Variants in SEPTIN3 observed in about 807,000 individuals in gnomAD.
SEPTIN3 encodes the protein neuronal-specific septin-3.
Under a neutral mutation model 45.1 loss-of-function variants are expected in SEPTIN3, and 15 were observed. That is an observed-to-expected ratio of 0.33 (90% confidence interval 0.22 to 0.51). The LOEUF is 0.51. Ranked by LOEUF, SEPTIN3 falls within the 20% of genes least tolerant of loss-of-function variation. The probability of loss-of-function intolerance (pLI) is 0.97; values close to 1 mark genes in which losing one functional copy is unlikely to be tolerated. For missense variants in SEPTIN3, 289 were observed against 457.2 expected, an observed-to-expected ratio of 0.63 and a Z score of 3.35; for synonymous variants, 148 against 164.8, an observed-to-expected ratio of 0.90 and a Z score of 0.78.
At chr22:41,990,051 T>C (rs571347117) in intron 7 of SEPTIN3, among the ~76,000 whole-genome samples, 11 of 134,714 alleles carry the variant, frequency 8.2e-5, no homozygotes, top group South Asian at 2.4e-4. Flanking sequence ...CATCTTCTCT[T>C]TGTTTTTTTT....
intron 8 of SEPTIN3, among the ~76,000 whole-genome samples, chr22:41,992,428 A>G (rs2078333477): frequency 1.3e-5 from 2 of 152,180 alleles, no homozygotes; most frequent in South Asian, 2.1e-4. Flanking sequence ...CTGATTCCTG[A>G]GGTTAACCAG....
At chr22:41,988,936 G>A (rs886157076) in intron 6 of SEPTIN3, among the ~76,000 whole-genome samples, 3 of 151,994 alleles carry the variant, frequency 2.0e-5, no homozygotes, top group African/African-American at 7.3e-5. Context: ...GACCAGCGTG[G>A]GCAACATGGC....
intron 11 of SEPTIN3, chr22:41,995,083 A>C (rs2078407461): frequency 8.9e-7 from 1 of 1,119,566 alleles, no homozygotes; most frequent in Non-Finnish European, 1.1e-6. Context: ...CTCACTCAGG[A>C]GATCTGGGGG....
Position 41,986,122 on chromosome 22 carries a change from A to G in SEPTIN3, c.1825+10A>G, listed in dbSNP as rs200983256. The G allele has an allele frequency of 1.1e-4, 184 of 1,611,688 alleles. No homozygotes were observed. The highest frequency in any genetic ancestry group is 1.5e-4 in the Non-Finnish European group (172 of 1,179,012). On this transcript the variant is annotated intron_variant, in intron 4 of 11. Transcript: ENST00000644076. ...AAAGCTATCGGGCATGGTGAGGACC[A>G]GGCAGGGACCCCTATGGGCTTTGTT...
chr22:41,991,704 C>A (rs774632516), intron 8 of SEPTIN3, 36 bp downstream of exon 8: 13 of 1,314,752 alleles, frequency 9.9e-6, no homozygotes, highest in Non-Finnish European at 1.4e-5. Flanking sequence ...CACTGATGCC[C>A]CCTTGCGACC....
chr22:41,977,184 G>T (rs2078042147), intron 2 of SEPTIN3: 13 of 1,103,850 alleles, frequency 1.2e-5, no homozygotes, highest in African/African-American at 1.6e-5. Flanking sequence ...GAGCCCACGC[G>T]CGGTGACAGA....
intron 9 of SEPTIN3, among the ~76,000 whole-genome samples, chr22:41,993,812 T>A (rs963114884): frequency 4.6e-5 from 7 of 152,210 alleles, no homozygotes; most frequent in Non-Finnish European, 8.8e-5. Context: ...TAATCCTCAT[T>A]CTGTTCCAAC....
chr22:41,973,699 G>C (rs926482972), intron 2 of SEPTIN3, among the ~76,000 whole-genome samples: 1 of 150,864 alleles, frequency 6.6e-6, no homozygotes, highest in African/African-American at 2.4e-5. Context: ...AAAAAATAAG[G>C]GTTGGGCACA....
intron 8 of SEPTIN3, among the ~76,000 whole-genome samples, chr22:41,991,907 C>T (rs903907085): frequency 1.2e-4 from 19 of 152,138 alleles, no homozygotes; most frequent in African/African-American, 4.6e-4. Flanking sequence ...CTCCTTTTCC[C>T]CAACAAGGTC....
At position 41,997,032 on chromosome 22, in the gene SEPTIN3, CT is replaced by C; in HGVS notation, c.*70del. ...GCTGTTATTGCTGCAGGGCCAAGCC[CT>C]TTTTAGTGCTGTGCTCGTCCAGCTC... On this transcript the variant is annotated 3_prime_UTR_variant, in exon 12 of 12. Transcript: ENST00000644076. 6.2e-7 allele frequency: 1 copy of C among 1,611,452 alleles called. No homozygotes were observed.
At chr22:41,973,737 T>G (rs2060765652) in intron 2 of SEPTIN3, among the ~76,000 whole-genome samples, 1 of 151,630 alleles carries the variant, frequency 6.6e-6, no homozygotes, top group Non-Finnish European at 1.5e-5. Flanking sequence ...TCCCAACATT[T>G]TGGGAGGCCA....
At chr22:41,981,940 T>C in intron 3 of SEPTIN3, 104 bp downstream of exon 3, 1 of 1,021,828 alleles carries the variant, frequency 9.8e-7, no homozygotes, top group Non-Finnish European at 1.5e-6. Context: ...TAAGATGAGC[T>C]GTTTGTAGAA....
intron 7 of SEPTIN3, 106 bp downstream of exon 7, chr22:41,989,790 C>A: frequency 1.4e-6 from 1 of 727,192 alleles, no homozygotes; most frequent in East Asian, 2.5e-5. Flanking sequence ...CCCCCACCCT[C>A]AACCCTCCCC....
chr22:41,995,240 C>T, intron 11 of SEPTIN3: 1 of 991,696 alleles, frequency 1.0e-6, no homozygotes, highest in Non-Finnish European at 1.2e-6. Context: ...TCAGGACAAC[C>T]CTCCTGTAAG....
intron 3 of SEPTIN3, among the ~76,000 whole-genome samples, chr22:41,984,487 C>T (rs186405588): frequency 1.8e-4 from 28 of 152,284 alleles, no homozygotes; most frequent in African/African-American, 6.3e-4. Flanking sequence ...GCAAGTCTTT[C>T]TTGTGGGATT....
chr22:41,980,513 A>G (rs1486145947), intron 2 of SEPTIN3, among the ~76,000 whole-genome samples: 3 of 152,142 alleles, frequency 2.0e-5, no homozygotes, highest in African/African-American at 4.8e-5. Flanking sequence ...TTTTATAGAG[A>G]GGGATGCAGG....
chr22:41,990,237 G>A (rs2078284073), intron 7 of SEPTIN3, among the ~76,000 whole-genome samples: 1 of 151,316 alleles, frequency 6.6e-6, no homozygotes, highest in East Asian at 2.0e-4. Context: ...GTAGAGATGG[G>A]GTTTCACTGT....
intron 1 of SEPTIN3, 55 bp downstream of exon 1, chr22:41,969,732 TG>T (rs2077938473): frequency 4.2e-4 from 1 of 2,408 alleles, no homozygotes; most frequent in African/African-American, 1.6e-3. Context: ...GGGAGGGTGG[TG>T]GGGGTGGGGT....
intron 2 of SEPTIN3, among the ~76,000 whole-genome samples, chr22:41,975,329 T>C (rs4820451): frequency 0.76 from 115,732 of 152,118 alleles, 44,273 homozygotes; most frequent in East Asian, 0.91. Flanking sequence ...CTCAGAGTTT[T>C]TGGGTCTGGA....
Sources: allele counts gnomAD v4.1 joint callset (sites outside exome capture counted in the v4.1 genomes callset), GRCh38; gene constraint gnomAD v4.1.1; transcripts MANE v1.5; gene names NCBI Gene and HGNC (gene_info 2026-07-23, HGNC 2026-07-21).